P2RY12: variants seen among roughly 807,000 people sequenced by gnomAD.
P2RY12 encodes the protein P2Y purinoceptor 12.
P2RY12 carries 3 observed loss-of-function variants against 4.5 expected under a neutral mutation model. The observed-to-expected ratio is 0.67, with a 90% CI of 0.31 to 1.74. The LOEUF is 1.74. P2RY12 is among the 40% of genes most tolerant of loss of function. The pLI is 0.09. For missense variants in P2RY12, 356 were observed against 407.8 expected, an observed-to-expected ratio of 0.87 and a Z score of 1.09; for synonymous variants, 148 against 154.1, an observed-to-expected ratio of 0.96 and a Z score of 0.29.
At chr3:151,365,934 T>C (rs1225112460) in intron 1 of P2RY12, 4 of 1,613,402 alleles carry the variant, frequency 2.5e-6, no homozygotes, top group Non-Finnish European at 3.4e-6. Flanking sequence ...TTCTGAAGGC[T>C]CTTTGTTGTT....
intron 1 of P2RY12, chr3:151,376,082 A>G (rs1756819033): frequency 6.2e-7 from 1 of 1,611,156 alleles, no homozygotes; most frequent in African/African-American, 1.3e-5. Flanking sequence ...CAGACAAAGA[A>G]CTTATATTGG....
At chr3:151,349,451 G>A (rs191006952) in intron 1 of P2RY12, among the ~76,000 whole-genome samples, 1 of 152,226 alleles carries the variant, frequency 6.6e-6, no homozygotes, top group Admixed American at 6.5e-5. Flanking sequence ...GAAATAAATG[G>A]AATATATATA....
At chr3:151,350,228 G>A (rs1327602484) in intron 1 of P2RY12, 1 of 1,608,644 alleles carries the variant, frequency 6.2e-7, no homozygotes, top group African/African-American at 1.3e-5. Context: ...TAATGCATTT[G>A]CTCCCATTGT....
At chr3:151,353,509 A>G (rs1281167813) in intron 1 of P2RY12, among the ~76,000 whole-genome samples, 3 of 152,228 alleles carry the variant, frequency 2.0e-5, no homozygotes, top group Non-Finnish European at 4.4e-5. Context: ...ATGTTACCCC[A>G]GCACCTTTAA....
rs943018779 is a variant in P2RY12 at position 151,337,655 on chromosome 3, A to T, written c.*162T>A. The T allele has an allele frequency of 1.1e-5, 8 of 696,608 alleles. No homozygotes were observed. Among genetic ancestry groups the T allele is most frequent in the Non-Finnish European group, 1.9e-5 (8 of 425,458 alleles). The allele number at this position is 696,608 out of a possible 1,614,324, so 43.2% of individuals were successfully genotyped here. A position where few individuals can be genotyped will look rare whatever the true frequency, so the allele number is the denominator to read the frequency against. Reference sequence around the variant, plus strand: ...TTTCTATATTTTAAGATAGCTTTTCATACTGGAAAGGTAAATGAAAATTGC... The same window carrying T: ...TTTCTATATTTTAAGATAGCTTTTCTTACTGGAAAGGTAAATGAAAATTGC... On this transcript the variant is annotated 3_prime_UTR_variant, in exon 3 of 3. Coordinates refer to ENST00000302632, the MANE Select transcript of P2RY12 (RefSeq NM_022788.5).
intron 1 of P2RY12, chr3:151,384,281 TTTTAA>T: frequency 2.1e-6 from 3 of 1,422,812 alleles, no homozygotes; most frequent in Non-Finnish European, 2.9e-6. Context: ...ATCTAGTGCA[TTTTAA>T]TTTATTACTC....
At chr3:151,384,346 A>G (rs1398906373) in intron 1 of P2RY12, 5 of 1,003,990 alleles carry the variant, frequency 5.0e-6, no homozygotes, top group Admixed American at 2.9e-5. Context: ...ATTATTTGCT[A>G]TTTGTTTCAC....
At chr3:151,372,267 A>G (rs578225873) in intron 1 of P2RY12, among the ~76,000 whole-genome samples, 6 of 152,214 alleles carry the variant, frequency 3.9e-5, no homozygotes, top group Non-Finnish European at 7.3e-5. Flanking sequence ...GGTGAAACCA[A>G]TGTTCTCTGA....
At chr3:151,341,973 A>G (rs1461017822) in intron 1 of P2RY12, among the ~76,000 whole-genome samples, 1 of 152,088 alleles carries the variant, frequency 6.6e-6, no homozygotes, top group Non-Finnish European at 1.5e-5. Flanking sequence ...AATCCAGTCT[A>G]TCATTGTTGG....
At chr3:151,352,194 C>G (rs1276320493) in intron 1 of P2RY12, among the ~76,000 whole-genome samples, 2 of 152,150 alleles carry the variant, frequency 1.3e-5, no homozygotes, top group African/African-American at 2.4e-5. Context: ...TGTGTGTCTA[C>G]ATTTTGACTG....
intron 1 of P2RY12, chr3:151,376,365 A>AT (rs1756855390): frequency 3.3e-6 from 2 of 611,276 alleles, no homozygotes; most frequent in African/African-American, 3.8e-5. Context: ...GACATACTTT[A>AT]TTTTTGGGTG....
chr3:151,354,140 C>CAAAAAAAAAAAA (rs63033360), intron 1 of P2RY12, among the ~76,000 whole-genome samples: 2 of 62,842 alleles, frequency 3.2e-5, no homozygotes, highest in Non-Finnish European at 2.7e-5. Context: ...GACTCCGTCT[C>CAAAAAAAAAAAA]AAAAAAAAAA....
intron 1 of P2RY12, among the ~76,000 whole-genome samples, chr3:151,350,690 G>A (rs905680554): frequency 6.6e-6 from 1 of 152,008 alleles, no homozygotes; most frequent in South Asian, 2.1e-4. Context: ...TTGCATTATT[G>A]AGAAAAATGA....
intron 1 of P2RY12, among the ~76,000 whole-genome samples, chr3:151,353,798 C>T (rs1753545994): frequency 2.0e-5 from 3 of 152,260 alleles, no homozygotes; most frequent in East Asian, 1.9e-4. Context: ...CTAAAGAAGA[C>T]GACAGTGTGA....
chr3:151,367,524 T>C (rs1391798546), intron 1 of P2RY12: 3 of 803,594 alleles, frequency 3.7e-6, no homozygotes, highest in Non-Finnish European at 5.6e-6. Context: ...ATCATTTCCC[T>C]CTGCTGGTTC....
intron 1 of P2RY12, chr3:151,365,302 A>G (rs1371548959): frequency 1.0e-6 from 1 of 998,288 alleles, no homozygotes; most frequent in Non-Finnish European, 1.6e-6. Flanking sequence ...CTGGACTCAC[A>G]TTTGGCTATC....
chr3:151,376,236 T>C, intron 1 of P2RY12: 1 of 1,368,778 alleles, frequency 7.3e-7, no homozygotes, highest in Non-Finnish European at 9.5e-7. Context: ...ACAGATTGTG[T>C]TTCTGTCATT....
At chr3:151,375,864 T>G (rs1756786819) in intron 1 of P2RY12, among the ~76,000 whole-genome samples, 1 of 152,126 alleles carries the variant, frequency 6.6e-6, no homozygotes, top group Non-Finnish European at 1.5e-5. Flanking sequence ...TGCTAAAAAT[T>G]TTGTTTTTTA....
chr3:151,344,961 T>A (rs1448259198), intron 1 of P2RY12, among the ~76,000 whole-genome samples: 1 of 152,206 alleles, frequency 6.6e-6, no homozygotes, highest in Non-Finnish European at 1.5e-5. Flanking sequence ...GAAATAAAGA[T>A]GAATTAGAGC....
Sources: allele counts gnomAD v4.1 joint callset (sites outside exome capture counted in the v4.1 genomes callset), GRCh38; gene constraint gnomAD v4.1.1; transcripts MANE v1.5; gene names NCBI Gene and HGNC (gene_info 2026-07-23, HGNC 2026-07-21).